OR9G4: variants seen among roughly 807,000 people sequenced by gnomAD.
OR9G4 encodes the protein olfactory receptor family 9 subfamily G member 4, also known as olfactory receptor 9G4.
In OR9G4, 19 loss-of-function variants were observed where a neutral mutation model predicts 16.7. That is an observed-to-expected ratio of 1.14 (90% confidence interval 0.79 to 1.67). The LOEUF is 1.67. Ranked by LOEUF, OR9G4 falls within the 40% of genes most tolerant of loss-of-function variation. OR9G4 has a pLI of 0.00. For missense variants in OR9G4, 428 were observed against 370.4 expected, an observed-to-expected ratio of 1.16 and a Z score of -1.28; for synonymous variants, 182 against 146.2, an observed-to-expected ratio of 1.24 and a Z score of -1.76.
chr11:56,743,381 G>T lies in OR9G4; in HGVS notation c.386C>A (p.Pro129Gln), dbSNP rs189294175. Residue 129 changes from proline to glutamine, a missense_variant, in exon 2 of 2, where the codon CCA (proline) becomes CAA (glutamine). Physicochemically the swap from Pro to Gln is moderately conservative, Grantham distance 76 (BLOSUM62 -1). Transcript: ENST00000641668. ...AYDRHAAICN[P>Q]LLYSGTMSTA... The stretch of plus-strand genomic sequence containing the variant: ...GGACATGGTACCTGAATAAAGCAAT[G>T]GGTTACAAATTGCTGCATGGCGGTC... The T allele has an allele frequency of 7.4e-6, 12 of 1,614,028 alleles. No homozygotes were observed. Among genetic ancestry groups the T allele is most frequent in the Middle Eastern group, 1.6e-4 (1 of 6,062 alleles).
Position 56,743,225 on chromosome 11 carries a change from G to T in OR9G4, c.542C>A (p.Ala181Glu), listed in dbSNP as rs1233645010. The T allele has an allele frequency of 1.2e-6, 2 of 1,614,072 alleles. No homozygotes were observed. The highest frequency in any genetic ancestry group is 1.3e-5 in the African/African-American group (1 of 75,030). Residue 181 changes from alanine to glutamate, a missense_variant, in exon 2 of 2, where the codon GCA becomes GAA. Physicochemically the swap from Ala to Glu is moderately radical, Grantham distance 107 (BLOSUM62 -1). Transcript: ENST00000641668. The part of the protein sequence containing the change: ...KNIIDHFFCD[A>E]PPLVKMSCTN... ...ACAGGACATTTTTACCAATGGTGGT[G>T]CATCACAGAAAAAGTGGTCAATGAT...
At chr11:56,745,694 C>A (rs1315706715) in intron 1 of OR9G4, among the ~76,000 whole-genome samples, 1 of 151,664 alleles carries the variant, frequency 6.6e-6, no homozygotes, top group Non-Finnish European at 1.5e-5. Context: ...ATCGCTTGAA[C>A]CCAGGAGGCA....
At chr11:56,747,797 C>T (rs2135063673) in intron 1 of OR9G4, among the ~76,000 whole-genome samples, 1 of 152,262 alleles carries the variant, frequency 6.6e-6, no homozygotes, top group Non-Finnish European at 1.5e-5. Flanking sequence ...GCCTCAGCCT[C>T]CCAAGTAGCT....
rs1858318974 is a variant in OR9G4, at chr11:56,742,607, C to A, written c.*221G>T. 2 of 516,952 alleles carry A rather than the reference C, an allele frequency of 3.9e-6. No individual in the cohort carries two copies. The highest frequency in any genetic ancestry group is 1.9e-5 in the African/African-American group (1 of 52,152). The allele number at this position is 516,952 out of a possible 1,614,324, so 32.0% of individuals were successfully genotyped here. On this transcript the variant is annotated 3_prime_UTR_variant, in exon 2 of 2. Transcript: ENST00000641668. ...GATTTAATGCTGCCAAGGCAAAATACCATATTGCAGAATGCCAAACAACCC... is the reference window on the plus strand; with the variant it reads ...GATTTAATGCTGCCAAGGCAAAATAACATATTGCAGAATGCCAAACAACCC...
chr11:56,742,760 C>T lies in OR9G4; in HGVS notation c.*68G>A. On this transcript the variant is annotated 3_prime_UTR_variant, in exon 2 of 2. Coordinates refer to ENST00000641668, the MANE Select transcript of OR9G4 (RefSeq NM_001005284.2). ...TGAACTTAATTGAACTACAGAAATG[C>T]AAATGAACACATTTATAAGCCAATA... 1 of 1,383,582 alleles carries T rather than the reference C, an allele frequency of 7.2e-7. No individual in the cohort carries two copies. Among genetic ancestry groups the T allele is most frequent in the East Asian group, 2.3e-5 (1 of 43,676 alleles). The allele number at this position is 1,383,582 out of a possible 1,614,324, so 85.7% of individuals were successfully genotyped here.
chr11:56,746,241 C>T (rs113429039), intron 1 of OR9G4, among the ~76,000 whole-genome samples: 3,868 of 141,550 alleles, frequency 0.027, 169 homozygotes, highest in African/African-American at 0.097. Flanking sequence ...TGCAGTGAGC[C>T]GAGATCCCGC....
At chr11:56,746,416 C>T (rs1021527021) in intron 1 of OR9G4, among the ~76,000 whole-genome samples, 2 of 151,592 alleles carry the variant, frequency 1.3e-5, no homozygotes, top group African/African-American at 4.9e-5. Flanking sequence ...ACTCATGAAG[C>T]TCTTTGAGAA....
chr11:56,743,482 A>T lies in OR9G4; in HGVS notation c.285T>A (p.Ala95=), dbSNP rs760743452. 9 of 1,614,100 alleles carry T rather than the reference A, an allele frequency of 5.6e-6. No individual in the cohort carries two copies. Among genetic ancestry groups the T allele is most frequent in the Middle Eastern group, 1.6e-4 (1 of 6,084 alleles). Residue 95 remains alanine (A), a synonymous_variant, in exon 2 of 2, where the codon GCT becomes GCA. Coordinates refer to ENST00000641668, the MANE Select transcript of OR9G4 (RefSeq NM_001005284.2). ...CVSEDKRISL[A]GCGAQLFFSC... ...AAAAAAACAGCTGAGCCCCACATCCAGCCAAGGAAATGCGCTTATCTTCTG... is the reference window on the plus strand; with the variant it reads ...AAAAAAACAGCTGAGCCCCACATCCTGCCAAGGAAATGCGCTTATCTTCTG...
chr11:56,741,455 TGAAAA>T lies in OR9G4; in HGVS notation c.*1368_*1372del, dbSNP rs1171344805. 2 of 157,936 alleles carry T rather than the reference TGAAAA, an allele frequency of 1.3e-5. No individual in the cohort carries two copies. Among genetic ancestry groups the T allele is most frequent in the African/African-American group, 4.8e-5 (2 of 41,492 alleles). The allele number at this position is 157,936 out of a possible 1,614,324, so 9.8% of individuals were successfully genotyped here. A position where few individuals can be genotyped will look rare whatever the true frequency, so the allele number is the denominator to read the frequency against. On this transcript the variant is annotated 3_prime_UTR_variant, in exon 2 of 2. Transcript: ENST00000641668. The stretch of plus-strand genomic sequence containing the variant: ...TCCTACATAGTGACTATTATGGAGA[TGAAAA>T]GAAAACATAATATGGATCATTGATA...
rs547090848 is a variant in OR9G4 at position 56,741,447 on chromosome 11, T to TA, written c.*1380dup. The TA allele has an allele frequency of 7.8e-4, 125 of 160,498 alleles. No individual in the cohort carries two copies. Among genetic ancestry groups the TA allele is most frequent in the African/African-American group, 2.8e-3 (116 of 41,660 alleles). The allele number at this position is 160,498 out of a possible 1,614,324, so 9.9% of individuals were successfully genotyped here. On this transcript the variant is annotated 3_prime_UTR_variant, in exon 2 of 2. Transcript: ENST00000641668. ...ATTATTTTTCCTACATAGTGACTATTATGGAGATGAAAAGAAAACATAATA... is the reference window on the plus strand; with the variant it reads ...ATTATTTTTCCTACATAGTGACTATTAATGGAGATGAAAAGAAAACATAATA...
intron 1 of OR9G4, chr11:56,744,068 ACTT>A (rs771974762): frequency 1.3e-4 from 53 of 416,100 alleles, no homozygotes; most frequent in South Asian, 2.5e-4. Flanking sequence ...ATAACTAATT[ACTT>A]CTTCTTTTTT....
At chr11:56,745,518 A>G (rs1427025761) in intron 1 of OR9G4, among the ~76,000 whole-genome samples, 3 of 151,968 alleles carry the variant, frequency 2.0e-5, no homozygotes, top group African/African-American at 7.3e-5. Flanking sequence ...GGTGGCTCAC[A>G]CCTGTAATCC....
rs146018051 is a variant in OR9G4, at chr11:56,743,351, G to C, written c.416C>G (p.Ala139Gly). The part of the protein sequence containing the change: ...PLLYSGTMST[A>G]LCTGLVAGSY... The stretch of plus-strand genomic sequence containing the variant: ...GCCAGCAACAAGCCCAGTACAGAGG[G>C]CGGTGGACATGGTACCTGAATAAAG... The change falls in exon 2 of 2, where the codon GCC becomes GGC. Residue 139 changes from alanine to glycine, a missense_variant. Ala to Gly is a moderately conservative substitution (Grantham distance 60). Transcript: ENST00000641668. The C allele has an allele frequency of 3.1e-6, 5 of 1,614,090 alleles. No individual in the cohort carries two copies. The African/African-American group carries it at 6.7e-5, about 22-fold the overall frequency.
chr11:56,743,305 CA>C lies in OR9G4; in HGVS notation c.461del (p.Leu154Ter). 6.2e-7 allele frequency: 1 copy of C among 1,614,110 alleles called. No homozygotes were observed. The highest frequency in any genetic ancestry group is 8.5e-7 in the Non-Finnish European group (1 of 1,180,030). On this transcript the variant is annotated frameshift_variant, in exon 2 of 2. Transcript: ENST00000641668. LOFTEE classifies it high-confidence loss of function. ...LVAGSYIGGF[L>X]NAIAHTANTF... ...TATTGGCAGTATGGGCTATGGCATTCAAAAATCCTCCTATGTAGGAGCCAGC... is the reference window on the plus strand; with the variant it reads ...TATTGGCAGTATGGGCTATGGCATTCAAAATCCTCCTATGTAGGAGCCAGC...
intron 1 of OR9G4, among the ~76,000 whole-genome samples, chr11:56,746,332 AGTT>A (rs1235102148): frequency 9.3e-5 from 14 of 150,394 alleles, no homozygotes; most frequent in Non-Finnish European, 1.9e-4. Context: ...AATCCTATGA[AGTT>A]GTGCATATTT....
Position 56,743,469 on chromosome 11 carries a change from G to C in OR9G4, c.298C>G (p.Gln100Glu), listed in dbSNP as rs763276920. 13 of 1,613,924 alleles carry C rather than the reference G, an allele frequency of 8.1e-6. No individual in the cohort carries two copies. Among genetic ancestry groups the C allele is most frequent in the South Asian group, 5.5e-5 (5 of 91,080 alleles). Reference sequence around the variant, plus strand: ...GCTACAACACAGGAAAAAAACAGCTGAGCCCCACATCCAGCCAAGGAAATG... The same window carrying C: ...GCTACAACACAGGAAAAAAACAGCTCAGCCCCACATCCAGCCAAGGAAATG... ...KRISLAGCGA[Q>E]LFFSCVVAYT... Residue 100 changes from glutamine (Q) to glutamate (E), a missense_variant, in exon 2 of 2, where the codon CAG (glutamine) becomes GAG (glutamate). Transcript: ENST00000641668.
At chr11:56,747,826 C>G (rs1226592963) in intron 1 of OR9G4, among the ~76,000 whole-genome samples, 1 of 152,106 alleles carries the variant, frequency 6.6e-6, no homozygotes, top group Non-Finnish European at 1.5e-5. Context: ...AGACACCCAC[C>G]ACCATGCCTG....
Position 56,743,309 on chromosome 11 carries a change from A to T in OR9G4, c.458T>A (p.Phe153Tyr). 6.2e-7 allele frequency: 1 copy of T among 1,614,200 alleles called. No individual in the cohort carries two copies. Among genetic ancestry groups the T allele is most frequent in the Non-Finnish European group, 8.5e-7 (1 of 1,180,040 alleles). ...GLVAGSYIGG[F>Y]LNAIAHTANT... is the part of the protein sequence containing the mutation. ...GGCAGTATGGGCTATGGCATTCAAA[A>T]ATCCTCCTATGTAGGAGCCAGCAAC... Residue 153 changes from phenylalanine (F) to tyrosine (Y), a missense_variant, in exon 2 of 2, where the codon TTT becomes TAT. Physicochemically the swap from Phe to Tyr is conservative, Grantham distance 22 (BLOSUM62 3). Coordinates refer to ENST00000641668, the MANE Select transcript of OR9G4 (RefSeq NM_001005284.2).
At chr11:56,746,282 G>C (rs1858413617) in intron 1 of OR9G4, among the ~76,000 whole-genome samples, 1 of 100,894 alleles carries the variant, frequency 9.9e-6, no homozygotes, top group Non-Finnish European at 1.8e-5. Flanking sequence ...GACAGAGCGA[G>C]ACTCCGTCTC....
Sources: allele counts gnomAD v4.1 joint callset (sites outside exome capture counted in the v4.1 genomes callset), GRCh38; gene constraint gnomAD v4.1.1; transcripts MANE v1.5; gene names NCBI Gene and HGNC (gene_info 2026-07-23, HGNC 2026-07-21).